Variants in ATP13A1 observed in about 807,000 individuals in gnomAD.
ATP13A1 encodes endoplasmic reticulum transmembrane helix translocase.
Under a neutral mutation model 134.8 loss-of-function variants are expected in ATP13A1, and 55 were observed. The ratio of observed to expected loss-of-function variants is 0.41; its 90% CI spans 0.33 to 0.51. The LOEUF (loss-of-function observed/expected upper bound fraction) is 0.51. Among genes scored for constraint, ATP13A1 ranks in the 20% least tolerant of loss-of-function variants. The pLI, the probability that ATP13A1 is intolerant of heterozygous loss-of-function variation, is 0.29. For missense variants in ATP13A1, 1,389 were observed against 1,652.8 expected, an observed-to-expected ratio of 0.84 and a Z score of 2.77; for synonymous variants, 775 against 725.1, an observed-to-expected ratio of 1.07 and a Z score of -1.10.
rs144224381 is a variant in ATP13A1, at chr19:19,659,782, C to T, written c.496G>A (p.Gly166Arg). Reference protein sequence around the residue: ...VALHRNEGEDGLEVLSFEFQK... With the variant: ...VALHRNEGEDRLEVLSFEFQK... ...AATTCGAAGGACAGCACCTCAAGCC[C>T]GTCTTCGCCCTGCGGTAGAAGGTGT... Residue 166 changes from glycine to arginine, a missense_variant, in exon 3 of 26, where the codon GGG becomes AGG. This residue lies in a region of ATP13A1 where 293 missense variants were observed against 270.8 expected (regional missense o/e 1.08). Transcript: ENST00000357324. The T allele has an allele frequency of 1.8e-3, 2,898 of 1,613,646 alleles. 5 individuals are homozygous for T. Among genetic ancestry groups the T allele is most frequent in the Non-Finnish European group, 2.3e-3 (2,748 of 1,179,702 alleles).
intron 17 of ATP13A1, chr19:19,650,651 C>G (rs2062018275): frequency 6.6e-6 from 1 of 152,546 alleles, no homozygotes; most frequent in African/African-American, 2.4e-5. Context: ...CTGGAAGACC[C>G]CGGTAGCTGG....
intron 22 of ATP13A1, 62 bp from the exon 23 acceptor site, chr19:19,646,409 A>G (rs896296860): frequency 3.1e-6 from 5 of 1,595,802 alleles, no homozygotes; most frequent in Non-Finnish European, 4.3e-6. Flanking sequence ...CCCTGCCCAC[A>G]CAGCAGGCAG....
chr19:19,659,798 TAGA>T lies in ATP13A1; in HGVS notation c.487-10_487-8del, dbSNP rs748155110. The T allele has an allele frequency of 2.5e-6, 4 of 1,612,478 alleles. No homozygotes were observed. The highest frequency in any genetic ancestry group is 1.3e-5 in the African/African-American group (1 of 74,888). ...CCTCAAGCCCGTCTTCGCCCTGCGG[TAGA>T]AGGTGTGTTTGCCACAGAGGCCCCT... is the stretch of plus-strand genomic sequence containing the variant. On this transcript the variant is annotated splice_polypyrimidine_tract_variant and splice_region_variant and intron_variant, in intron 2 of 25. Coordinates refer to ENST00000357324, the MANE Select transcript of ATP13A1 (RefSeq NM_020410.3).
At chr19:19,659,244 CAGG>C (rs934903637) in intron 3 of ATP13A1, among the ~76,000 whole-genome samples, 11 of 152,166 alleles carry the variant, frequency 7.2e-5, no homozygotes, top group African/African-American at 2.7e-4. Context: ...CACCTGAGGT[CAGG>C]AGTTCAAGAC....
Position 19,647,670 on chromosome 19 carries a change from T to C in ATP13A1, c.2722A>G (p.Arg908Gly), listed in dbSNP as rs1599427025. The change falls in exon 20 of 26, where the codon AGA becomes GGA. Residue 908 changes from arginine (R) to glycine (G), a missense_variant. Arg to Gly is a moderately radical substitution (Grantham distance 125, BLOSUM62 -2). Transcript: ENST00000357324. This position sits in a 1 kb window ranked among gnomAD's most constrained non-coding sequence, Gnocchi z 4.8. ...DSPTLSNSGI[R>G]ATSRTAKQRS... ...TGCTTGGCTGTCCTGGAGGTGGCTC[T>C]GATGCCACTGTTGCTCAGGGTTGGG... The C allele has an allele frequency of 6.2e-7, 1 of 1,612,716 alleles. No homozygotes were observed. The highest frequency in any genetic ancestry group is 1.7e-5 in the Admixed American group (1 of 59,978).
At chr19:19,659,469 A>C (rs2062080735) in intron 3 of ATP13A1, 132 bp downstream of exon 3, 1 of 477,926 alleles carries the variant, frequency 2.1e-6, no homozygotes, top group Non-Finnish European at 3.2e-6. Context: ...AATAAAAAAT[A>C]AAATAAAAAT....
In ATP13A1 at chr19:19,645,356, C is replaced by CG; in HGVS notation, c.*65dup. 5 of 1,512,732 alleles carry CG rather than the reference C, an allele frequency of 3.3e-6. No individual in the cohort carries two copies. Among genetic ancestry groups the CG allele is most frequent in the Non-Finnish European group, 4.5e-6 (5 of 1,114,970 alleles). 93.7% of individuals were successfully genotyped at this position (1,512,732 alleles called of 1,614,324 possible). On this transcript the variant is annotated 3_prime_UTR_variant, in exon 26 of 26. Coordinates refer to ENST00000357324, the MANE Select transcript of ATP13A1 (RefSeq NM_020410.3). This position sits in a 1 kb window ranked among gnomAD's most constrained non-coding sequence, Gnocchi z 4.1. ...GGGGGTTGGGGGCAGGGTTCCCTCC[C>CG]GGGGCCCTGTTGGGGTTCCCGCCCA...
chr19:19,663,124 G>A (rs373758682), intron 1 of ATP13A1, 147 bp downstream of exon 1: 2 of 1,211,660 alleles, frequency 1.7e-6, no homozygotes, highest in Admixed American at 2.0e-5. Context: ...GATTAAGCCT[G>A]CGCCAAAGTG....
Position 19,655,522 on chromosome 19 carries a change from G to A in ATP13A1, c.1396+6C>T, listed in dbSNP as rs765963672. On this transcript the variant is annotated splice_donor_region_variant and intron_variant, in intron 10 of 25. Transcript: ENST00000357324. The surrounding 1 kb of genome is among the most constrained non-coding windows in gnomAD (Gnocchi z 5.7). ...CGCAGGGGACCACAGAGGCCGTGGC[G>A]CTTACCTTCAATCCATACATAGGCA... 2.7e-5 allele frequency: 44 copies of A among 1,613,858 alleles called. No individual in the cohort carries two copies. The highest frequency in any genetic ancestry group is 1.3e-4 in the East Asian group (6 of 44,896).
intron 19 of ATP13A1, among the ~76,000 whole-genome samples, chr19:19,648,352 C>A (rs1480498484): frequency 6.6e-6 from 1 of 151,808 alleles, no homozygotes; most frequent in African/African-American, 2.4e-5. Flanking sequence ...AAACTGATTT[C>A]AAAAGAAATA....
chr19:19,658,028 G>A (rs952998203), intron 3 of ATP13A1, among the ~76,000 whole-genome samples: 7 of 151,182 alleles, frequency 4.6e-5, no homozygotes, highest in African/African-American at 1.7e-4. Context: ...GTGTGCCTGT[G>A]GTCCCAGCTA....
chr19:19,648,358 A>C (rs1271680134), intron 19 of ATP13A1, among the ~76,000 whole-genome samples: 1 of 152,092 alleles, frequency 6.6e-6, no homozygotes, highest in East Asian at 1.9e-4. Context: ...ATTTCAAAAG[A>C]AATAGCCAAG....
Position 19,663,264 on chromosome 19 carries a change from C to T in ATP13A1, c.396+7G>A. On this transcript the variant is annotated splice_region_variant and intron_variant, in intron 1 of 25. Coordinates refer to ENST00000357324, the MANE Select transcript of ATP13A1 (RefSeq NM_020410.3). The stretch of plus-strand genomic sequence containing the variant: ...GCTGGGGGTCGGGCTCGCGTGTACA[C>T]ACTTACCGGGGTGCAGGTGAGCGCG... The T allele has an allele frequency of 6.4e-7, 1 of 1,574,668 alleles. No homozygotes were observed.
chr19:19,647,101 C>G lies in ATP13A1; in HGVS notation c.3105+28G>C, dbSNP rs747749156. On this transcript the variant is annotated intron_variant, in intron 22 of 25. Coordinates refer to ENST00000357324, the MANE Select transcript of ATP13A1 (RefSeq NM_020410.3). This position sits in a 1 kb window ranked among gnomAD's most constrained non-coding sequence, Gnocchi z 4.8. ...CTGGCCCTGGCAGGCCCATGCATCCCTGGCCTTCCAGCACCTCTGGGGCCC... is the reference window on the plus strand; with the variant it reads ...CTGGCCCTGGCAGGCCCATGCATCCGTGGCCTTCCAGCACCTCTGGGGCCC... 31 of 1,593,942 alleles carry G rather than the reference C, an allele frequency of 1.9e-5. No homozygotes were observed. The Admixed American group carries it at 5.0e-4, about 26-fold the overall frequency.
chr19:19,653,767 G>T lies in ATP13A1; in HGVS notation c.2100+17C>A, dbSNP rs376157836. 2.0e-6 allele frequency: 3 copies of T among 1,538,268 alleles called. No homozygotes were observed. The highest frequency in any genetic ancestry group is 2.7e-5 in the African/African-American group (2 of 72,740). Reference sequence around the variant, plus strand: ...GGCCAGGCACATGGTGAAGGCAGGGGGAGCCTGGGCCCGTACCTGCTGGTG... The same window carrying T: ...GGCCAGGCACATGGTGAAGGCAGGGTGAGCCTGGGCCCGTACCTGCTGGTG... On this transcript the variant is annotated intron_variant, in intron 15 of 25. Transcript: ENST00000357324. This position sits in a 1 kb window ranked among gnomAD's most constrained non-coding sequence, Gnocchi z 4.2.
Position 19,663,340 on chromosome 19 carries a change from G to A in ATP13A1, c.327C>T (p.Leu109=). ...AALLVLATIC[L]AHALTVLSGH... is the part of the protein sequence containing the mutation. ...CCGAGAGGACAGTGAGCGCGTGCGCGAGGCAGATGGTGGCAAGCACGAGCA... is the reference window on the plus strand; with the variant it reads ...CCGAGAGGACAGTGAGCGCGTGCGCAAGGCAGATGGTGGCAAGCACGAGCA... Residue 109 remains leucine (L), a synonymous_variant, in exon 1 of 26, where the codon CTC becomes CTT. Transcript: ENST00000357324. 1 of 1,592,726 alleles carries A rather than the reference G, an allele frequency of 6.3e-7. No individual in the cohort carries two copies.
chr19:19,655,666 G>A lies in ATP13A1; in HGVS notation c.1270-12C>T, dbSNP rs776302151. On this transcript the variant is annotated splice_polypyrimidine_tract_variant and intron_variant, in intron 9 of 25. Transcript: ENST00000357324. This position sits in a 1 kb window ranked among gnomAD's most constrained non-coding sequence, Gnocchi z 5.7. The stretch of plus-strand genomic sequence containing the variant: ...CGCAGCAGCTTGCCCTGGAGGAATG[G>A]AGGAACAGCCTTTCTGCTGTCTGGA... 11 of 1,610,930 alleles carry A rather than the reference G, an allele frequency of 6.8e-6. No individual in the cohort carries two copies. Among genetic ancestry groups the A allele is most frequent in the Non-Finnish European group, 8.5e-6 (10 of 1,178,690 alleles).
Position 19,647,396 on chromosome 19 carries a change from C to CG in ATP13A1, c.2908+17dup. 6.3e-7 allele frequency: 1 copy of CG among 1,599,486 alleles called. No individual in the cohort carries two copies. Among genetic ancestry groups the CG allele is most frequent in the South Asian group, 1.1e-5 (1 of 89,970 alleles). ...AAGGGGGGAATGAAGGGAGGGGGAGCGGGGGCAGGCAACTCACTGCACTGG... is the reference window on the plus strand; with the variant it reads ...AAGGGGGGAATGAAGGGAGGGGGAGCGGGGGGCAGGCAACTCACTGCACTGG... On this transcript the variant is annotated intron_variant, in intron 21 of 25. Coordinates refer to ENST00000357324, the MANE Select transcript of ATP13A1 (RefSeq NM_020410.3). The surrounding 1 kb of genome is among the most constrained non-coding windows in gnomAD (Gnocchi z 4.8).
chr19:19,646,097 T>C (rs2061983693), intron 23 of ATP13A1, 108 bp downstream of exon 23: 1 of 1,592,320 alleles, frequency 6.3e-7, no homozygotes, highest in Non-Finnish European at 8.6e-7. Flanking sequence ...CTAGTGCCCC[T>C]CCCTGGACAC....
Sources: gnomAD v4.1 joint callset for allele counts (sites outside exome capture counted in the v4.1 genomes callset) on GRCh38, gnomAD v4.1.1 for gene constraint, gnomAD v4.1.1 regional missense constraint, Gnocchi (gnomAD v3.1) non-coding constraint, MANE v1.5 for transcripts, NCBI Gene and HGNC (gene_info 2026-07-23, HGNC 2026-07-21) for gene names.